CDK15: variants seen among roughly 807,000 people sequenced by gnomAD.
The protein encoded by CDK15 is cyclin-dependent kinase 15.
In CDK15, 62 loss-of-function variants were observed where a neutral mutation model predicts 60.3. The ratio of observed to expected loss-of-function variants is 1.03; its 90% confidence interval spans 0.84 to 1.27. The LOEUF (loss-of-function observed/expected upper bound fraction) is 1.27, where lower values mean the gene tolerates loss of function less well. Ranked by LOEUF, CDK15 falls within the 50% of genes most tolerant of loss-of-function variation. The probability of loss-of-function intolerance (pLI) is 0.00; values close to 1 mark genes in which losing one functional copy is unlikely to be tolerated. For missense variants in CDK15, 541 were observed against 527.8 expected (o/e 1.03, Z -0.25); for synonymous variants, 194 against 195.7 (o/e 0.99, Z 0.07).
rs755424972 is a variant in CDK15, at chr2:201,854,873, G to A, written c.946-1G>A. Reference sequence around the variant, plus strand: ...CTTTTTCTTTGTTTGGCTTTATATAGGTGCTGGGAGTCCCTACAGAGGATA... The same window carrying A: ...CTTTTTCTTTGTTTGGCTTTATATAAGTGCTGGGAGTCCCTACAGAGGATA... On this transcript the variant is annotated splice_acceptor_variant, in intron 9 of 13. Transcript: ENST00000652192. LOFTEE classifies it high-confidence loss of function. The A allele has an allele frequency of 2.5e-6, 4 of 1,613,824 alleles. No individual in the cohort carries two copies. The highest frequency in any genetic ancestry group is 1.1e-5 in the South Asian group (1 of 91,054).
In CDK15 at chr2:201,893,835, C is replaced by A. The variant is rs1699705626; in HGVS notation, c.*568C>A. Reference sequence around the variant, plus strand: ...ATTTATTATTATTTTGTAGGGGGCACTTCCTCCTTCACTAAACTGGATTAT... The same window carrying A: ...ATTTATTATTATTTTGTAGGGGGCAATTCCTCCTTCACTAAACTGGATTAT... On this transcript the variant is annotated 3_prime_UTR_variant, in exon 14 of 14. Coordinates refer to ENST00000652192, the MANE Select transcript of CDK15 (RefSeq NM_001366386.2). The A allele has an allele frequency of 6.6e-6, 1 of 152,146 alleles. No homozygotes were observed. Among genetic ancestry groups the A allele is most frequent in the Non-Finnish European group, 1.5e-5 (1 of 68,034 alleles). The allele number at this position is 152,146 out of a possible 1,614,324, so 9.4% of individuals were successfully genotyped here.
chr2:201,852,740 T>G (rs1013647186), intron 9 of CDK15, among the ~76,000 whole-genome samples: 2 of 152,170 alleles, frequency 1.3e-5, no homozygotes, highest in Non-Finnish European at 2.9e-5. Context: ...GAAGGAGAGA[T>G]TTAGTAATTT....
intron 10 of CDK15, among the ~76,000 whole-genome samples, chr2:201,866,065 G>GGC (rs1698623153): frequency 6.6e-6 from 1 of 150,416 alleles, no homozygotes; most frequent in African/African-American, 2.5e-5. Flanking sequence ...GAGGGTGAAG[G>GGC]GCACGTAGGA....
intron 4 of CDK15, among the ~76,000 whole-genome samples, chr2:201,815,614 T>C (rs1020359545): frequency 2.0e-5 from 3 of 152,238 alleles, no homozygotes; most frequent in African/African-American, 7.2e-5. Flanking sequence ...TGTTATGTTT[T>C]TACATAGTAC....
chr2:201,820,076 A>T (rs2106165766), intron 4 of CDK15, among the ~76,000 whole-genome samples: 1 of 152,372 alleles, frequency 6.6e-6, no homozygotes, highest in Admixed American at 6.5e-5. Context: ...TAATATAGTT[A>T]GGTGAGACTA....
At chr2:201,845,809 T>C (rs1697628334) in intron 8 of CDK15, among the ~76,000 whole-genome samples, 1 of 151,090 alleles carries the variant, frequency 6.6e-6, no homozygotes, top group South Asian at 2.1e-4. Flanking sequence ...CAAAATTATG[T>C]GGTATAGTGA....
chr2:201,835,524 AC>A (rs1696966429), intron 7 of CDK15, 118 bp from the exon 8 acceptor site: 3 of 1,142,770 alleles, frequency 2.6e-6, no homozygotes, highest in Non-Finnish European at 3.5e-6. Context: ...GATTAGTTCT[AC>A]TAAAAGCACC....
intron 3 of CDK15, among the ~76,000 whole-genome samples, chr2:201,810,987 C>T (rs1394915216): frequency 8.6e-5 from 13 of 151,028 alleles, no homozygotes; most frequent in African/African-American, 2.4e-4. Context: ...GGATCACAGG[C>T]GCGTGCCACC....
chr2:201,867,817 T>C (rs1698692757), intron 10 of CDK15, among the ~76,000 whole-genome samples: 1 of 152,294 alleles, frequency 6.6e-6, no homozygotes, highest in East Asian at 1.9e-4. Flanking sequence ...AGAAAAGGAA[T>C]AAGATTAACA....
At chr2:201,829,700 A>G (rs979733763) in intron 6 of CDK15, among the ~76,000 whole-genome samples, 2 of 152,192 alleles carry the variant, frequency 1.3e-5, no homozygotes, top group Non-Finnish European at 2.9e-5. Flanking sequence ...TAAGATAGCT[A>G]AGGGAGCATG....
At chr2:201,890,100 T>C (rs1699593238) in intron 12 of CDK15, among the ~76,000 whole-genome samples, 1 of 151,756 alleles carries the variant, frequency 6.6e-6, no homozygotes, top group South Asian at 2.1e-4. Context: ...CTAACAAAAT[T>C]GGAAACTTCC....
intron 9 of CDK15, among the ~76,000 whole-genome samples, chr2:201,850,999 G>T (rs1236691135): frequency 1.3e-5 from 2 of 151,942 alleles, no homozygotes; most frequent in Non-Finnish European, 2.9e-5. Context: ...ATTTTATAAA[G>T]AACAGAAATT....
intron 1 of CDK15, among the ~76,000 whole-genome samples, chr2:201,807,005 G>C (rs940030722): frequency 6.6e-6 from 1 of 152,194 alleles, no homozygotes; most frequent in East Asian, 1.9e-4. Flanking sequence ...TGGGCTGCAC[G>C]AAACTCACTT....
At chr2:201,831,270 C>T (rs1353716300) in intron 6 of CDK15, among the ~76,000 whole-genome samples, 1 of 152,142 alleles carries the variant, frequency 6.6e-6, no homozygotes, top group Non-Finnish European at 1.5e-5. Context: ...AGTTGGCTAA[C>T]GGATCTCATT....
At chr2:201,877,053 C>T (rs1378951248) in intron 11 of CDK15, among the ~76,000 whole-genome samples, 1 of 152,178 alleles carries the variant, frequency 6.6e-6, no homozygotes, top group East Asian at 1.9e-4. Flanking sequence ...CCACCTCAGC[C>T]TCTGAAAGTG....
In CDK15 at chr2:201,823,741, G is replaced by T; in HGVS notation, c.606+14G>T. ...CATAATGTCAGAGTGAGTACGTTAA[G>T]GGTCAGGACCCTCTCCTGGCTTGCC... On this transcript the variant is annotated intron_variant, in intron 6 of 13. Transcript: ENST00000652192. 6.2e-7 allele frequency: 1 copy of T among 1,612,186 alleles called. No individual in the cohort carries two copies. The highest frequency in any genetic ancestry group is 1.1e-5 in the South Asian group (1 of 91,034).
rs1205720099 is a variant in CDK15, at chr2:201,823,701, G to C, written c.580G>C (p.Gly194Arg). 6.2e-7 allele frequency: 1 copy of C among 1,613,818 alleles called. No individual in the cohort carries two copies. The highest frequency in any genetic ancestry group is 1.7e-5 in the Admixed American group (1 of 60,008). ...DLAQYMSQHP[G>R]GLHPHNVRLF... is the part of the protein sequence containing the mutation. Reference sequence around the variant, plus strand: ...GGCCCAGTATATGTCTCAGCATCCAGGAGGGCTTCATCCTCATAATGTCAG... The same window carrying C: ...GGCCCAGTATATGTCTCAGCATCCACGAGGGCTTCATCCTCATAATGTCAG... The change falls in exon 6 of 14, where the codon GGA becomes CGA. Residue 194 changes from glycine (G) to arginine (R), a missense_variant. Transcript: ENST00000652192.
chr2:201,818,433 C>T (rs985018256), intron 4 of CDK15, among the ~76,000 whole-genome samples: 1 of 152,070 alleles, frequency 6.6e-6, no homozygotes. Flanking sequence ...GGATCTTTGC[C>T]CTTCTCAGTT....
intron 10 of CDK15, among the ~76,000 whole-genome samples, chr2:201,869,177 C>T (rs1698755062): frequency 6.6e-6 from 1 of 152,166 alleles, no homozygotes; most frequent in Non-Finnish European, 1.5e-5. Flanking sequence ...GGTACATATA[C>T]ACCATGGAAT....
Sources: gnomAD v4.1 joint callset for allele counts (sites outside exome capture counted in the v4.1 genomes callset) on GRCh38, gnomAD v4.1.1 for gene constraint, MANE v1.5 for transcripts, NCBI Gene and HGNC (gene_info 2026-07-23, HGNC 2026-07-21) for gene names.